Variants in GRB14 observed in about 807,000 individuals in gnomAD.
GRB14 encodes growth factor receptor-bound protein 14.
Under a neutral mutation model 69.1 loss-of-function variants are expected in GRB14, and 38 were observed. That is an observed-to-expected ratio of 0.55 (90% CI 0.42 to 0.72). The LOEUF is 0.72. Ranked by LOEUF, GRB14 falls within the 30% of genes least tolerant of loss-of-function variation. The pLI, the probability that GRB14 is intolerant of heterozygous loss-of-function variation, is 0.00. For missense variants in GRB14, 666 were observed against 666.1 expected, an observed-to-expected ratio of 1.00 and a Z score of 0.00; for synonymous variants, 247 against 241.3, an observed-to-expected ratio of 1.02 and a Z score of -0.22.
intron 2 of GRB14, among the ~76,000 whole-genome samples, chr2:164,551,716 C>T (rs1046441369): frequency 6.6e-6 from 1 of 152,208 alleles, no homozygotes; most frequent in African/African-American, 2.4e-5. Context: ...TCCAATCACA[C>T]TTGCTCCAGA....
At chr2:164,532,507 G>A (rs537713128) in intron 3 of GRB14, among the ~76,000 whole-genome samples, 1 of 152,220 alleles carries the variant, frequency 6.6e-6, no homozygotes, top group Admixed American at 6.5e-5. Flanking sequence ...TTGAAATGGG[G>A]GGAATATCCT....
chr2:164,519,433 C>G (rs1236369658), intron 6 of GRB14, among the ~76,000 whole-genome samples: 2 of 152,078 alleles, frequency 1.3e-5, no homozygotes, highest in Non-Finnish European at 1.5e-5. Context: ...AAAGCATTCC[C>G]CCTGAGAACT....
Position 164,563,142 on chromosome 2 carries a change from T to C in GRB14, c.325-15326A>G, listed in dbSNP as rs116414892. Among the ~76,000 whole-genome samples the C allele has an allele frequency of 3.7e-3, 558 of 152,240 alleles. 6 individuals carry two copies. Among genetic ancestry groups the C allele is most frequent in the African/African-American group, 0.012 (508 of 41,534 alleles). ...CATCCATGGCCTTCCACGACCCTCT[T>C]CTGCACAGGAAATCTGCTCTCTCCC... On this transcript the variant is annotated intron_variant, in intron 2 of 13. Transcript: ENST00000263915.
intron 9 of GRB14, among the ~76,000 whole-genome samples, chr2:164,498,564 G>C (rs901599836): frequency 4.6e-5 from 7 of 152,100 alleles, no homozygotes; most frequent in Admixed American, 3.3e-4. Flanking sequence ...AACACCCATG[G>C]AAAATAACAG....
chr2:164,600,324 C>A (rs914796386), intron 2 of GRB14, among the ~76,000 whole-genome samples: 1 of 152,056 alleles, frequency 6.6e-6, no homozygotes, highest in African/African-American at 2.4e-5. Context: ...TTTCTAATAC[C>A]TTTGAGATGA....
chr2:164,531,296 A>G (rs1247445996), intron 3 of GRB14, among the ~76,000 whole-genome samples: 1 of 152,216 alleles, frequency 6.6e-6, no homozygotes, highest in Non-Finnish European at 1.5e-5. Flanking sequence ...ATTATGAAAC[A>G]CAGGTACACA....
At chr2:164,619,591 A>G in intron 2 of GRB14, 96 bp downstream of exon 2, 1 of 792,936 alleles carries the variant, frequency 1.3e-6, no homozygotes, top group South Asian at 1.9e-5. Flanking sequence ...GCCCATGCTA[A>G]TCCTTTGTTA....
intron 4 of GRB14, 150 bp from the exon 5 acceptor site, chr2:164,525,228 C>A: frequency 1.5e-6 from 1 of 658,346 alleles, no homozygotes; most frequent in Admixed American, 2.8e-5. Flanking sequence ...TCCTTAGACT[C>A]TACTCATAGG....
intron 2 of GRB14, among the ~76,000 whole-genome samples, chr2:164,605,810 C>T (rs906204087): frequency 1.3e-5 from 2 of 151,978 alleles, no homozygotes; most frequent in East Asian, 1.9e-4. Context: ...GATATAGATA[C>T]CAATAAAATC....
chr2:164,508,354 G>T, intron 8 of GRB14, 101 bp downstream of exon 8: 2 of 841,550 alleles, frequency 2.4e-6, no homozygotes, highest in Non-Finnish European at 3.8e-6. Context: ...TCTTTCTCAT[G>T]TAGCCACCCA....
intron 9 of GRB14, among the ~76,000 whole-genome samples, chr2:164,500,573 C>T (rs1007796241): frequency 6.6e-6 from 1 of 152,018 alleles, no homozygotes; most frequent in Non-Finnish European, 1.5e-5. Flanking sequence ...TATAGAGACA[C>T]CAAAGTCAAC....
At chr2:164,509,164 T>A (rs1310794682) in intron 6 of GRB14, among the ~76,000 whole-genome samples, 2 of 152,246 alleles carry the variant, frequency 1.3e-5, no homozygotes, top group Non-Finnish European at 2.9e-5. Flanking sequence ...GAGAAAAAAG[T>A]TAGCAAAGAT....
intron 2 of GRB14, among the ~76,000 whole-genome samples, chr2:164,576,886 T>C (rs921802781): frequency 4.1e-5 from 6 of 144,934 alleles, no homozygotes; most frequent in Non-Finnish European, 9.2e-5. Context: ...GGGAAAACAA[T>C]AAAACAGATA....
chr2:164,574,079 T>C (rs1490480174), intron 2 of GRB14: 11 of 947,106 alleles, frequency 1.2e-5, no homozygotes, highest in African/African-American at 1.6e-5. Context: ...ATTCAGAAAC[T>C]CTGGTTTTAC....
intron 6 of GRB14, among the ~76,000 whole-genome samples, chr2:164,516,490 G>T (rs976752679): frequency 8.5e-6 from 1 of 117,742 alleles, no homozygotes; most frequent in Admixed American, 8.6e-5. Context: ...CAAAGAAAAA[G>T]AAAAAAAAAA....
At chr2:164,619,539 A>C in intron 2 of GRB14, 148 bp downstream of exon 2, 1 of 580,178 alleles carries the variant, frequency 1.7e-6, no homozygotes, top group Non-Finnish European at 3.0e-6. Flanking sequence ...AATGGAAAAT[A>C]ATGCCAAAGG....
intron 2 of GRB14, among the ~76,000 whole-genome samples, chr2:164,554,397 C>G (rs1051322039): frequency 6.6e-6 from 1 of 151,942 alleles, no homozygotes; most frequent in Non-Finnish European, 1.5e-5. Context: ...AAATTGGATG[C>G]CAACAGGAAG....
intron 2 of GRB14, among the ~76,000 whole-genome samples, chr2:164,595,507 G>A (rs748075774): frequency 5.3e-4 from 81 of 152,206 alleles, no homozygotes; most frequent in Non-Finnish European, 9.0e-4. Context: ...AACTAAGCCT[G>A]ACGGGGAAGT....
intron 2 of GRB14, among the ~76,000 whole-genome samples, chr2:164,586,995 C>T (rs1004884299): frequency 5.3e-5 from 8 of 151,908 alleles, no homozygotes; most frequent in Non-Finnish European, 8.8e-5. Context: ...AATAAAAGAC[C>T]GTAGGCATGA....
Sources: gnomAD v4.1 joint callset for allele counts (sites outside exome capture counted in the v4.1 genomes callset) on GRCh38, gnomAD v4.1.1 for gene constraint, MANE v1.5 for transcripts, NCBI Gene and HGNC (gene_info 2026-07-23, HGNC 2026-07-21) for gene names.